PKNOX1: variants seen among roughly 807,000 people sequenced by gnomAD.
PKNOX1 encodes homeobox protein PKNOX1.
Under a neutral mutation model 51.9 loss-of-function variants are expected in PKNOX1, and 15 were observed. The observed-to-expected ratio is 0.29, with a 90% CI of 0.19 to 0.45. The LOEUF is 0.45. PKNOX1 is among the 20% of genes least tolerant of loss of function. The pLI is 1.00. For missense variants in PKNOX1, 462 were observed against 547.5 expected, an observed-to-expected ratio of 0.84 and a Z score of 1.56; for synonymous variants, 219 against 211.1, an observed-to-expected ratio of 1.04 and a Z score of -0.32.
chr21:43,022,144 T>A (rs925141372), intron 8 of PKNOX1, among the ~76,000 whole-genome samples: 1 of 152,214 alleles, frequency 6.6e-6, no homozygotes. Context: ...GGCTTGGCCC[T>A]AAGTTTGCCC....
rs895975358 is a variant in PKNOX1 at position 43,030,796 on chromosome 21, A to G, written c.*695A>G. On this transcript the variant is annotated 3_prime_UTR_variant, in exon 11 of 11. Transcript: ENST00000291547. ...AATACATGCTTGCTATTAATATTTCAATTTGGAATGTTCTGAATTGACCAA... is the reference window on the plus strand; with the variant it reads ...AATACATGCTTGCTATTAATATTTCGATTTGGAATGTTCTGAATTGACCAA... 10 of 152,302 alleles carry G rather than the reference A, an allele frequency of 6.6e-5. No individual in the cohort carries two copies. Among genetic ancestry groups the G allele is most frequent in the African/African-American group, 1.2e-4 (5 of 41,460 alleles). The allele number at this position is 152,302 out of a possible 1,614,324, so 9.4% of individuals were successfully genotyped here.
chr21:43,015,003 G>A (rs905339615), intron 5 of PKNOX1, among the ~76,000 whole-genome samples: 4 of 152,230 alleles, frequency 2.6e-5, no homozygotes, highest in African/African-American at 4.8e-5. Context: ...CACAGGTATG[G>A]CATGTCTCTC....
At chr21:42,975,040 C>T (rs1249974539) in intron 1 of PKNOX1, among the ~76,000 whole-genome samples, 1 of 59,080 alleles carries the variant, frequency 1.7e-5, no homozygotes, top group South Asian at 5.7e-4. Context: ...CGGCGCGCGC[C>T]CCGGCGCGGG....
At chr21:43,012,459 C>A (rs1472443382) in intron 4 of PKNOX1, among the ~76,000 whole-genome samples, 1 of 152,178 alleles carries the variant, frequency 6.6e-6, no homozygotes, top group Non-Finnish European at 1.5e-5. Flanking sequence ...ACTCAGGAGG[C>A]TGAGGCAGGA....
chr21:42,993,208 CAT>C (rs1019583364), intron 1 of PKNOX1, among the ~76,000 whole-genome samples: 1 of 152,196 alleles, frequency 6.6e-6, no homozygotes, highest in African/African-American at 2.4e-5. Context: ...CTGGCCTTGG[CAT>C]GTAGTAGACA....
Position 43,013,157 on chromosome 21 carries a change from T to C in PKNOX1, c.441T>C (p.Ile147=), listed in dbSNP as rs770143485. 6.2e-7 allele frequency: 1 copy of C among 1,613,906 alleles called. No individual in the cohort carries two copies. Among genetic ancestry groups the C allele is most frequent in the African/African-American group, 1.3e-5 (1 of 74,938 alleles). Residue 147 remains isoleucine (I), a synonymous_variant, in exon 5 of 11, where the codon ATT becomes ATC. Coordinates refer to ENST00000291547, the MANE Select transcript of PKNOX1 (RefSeq NM_004571.5). The stretch of plus-strand genomic sequence containing the variant: ...GCAAAGATTTCTGCAGTCGATACAT[T>C]GCTTGTCTGAAAACAAAAATGAACA... ...ELCKDFCSRY[I]ACLKTKMNSE...
intron 1 of PKNOX1, among the ~76,000 whole-genome samples, chr21:42,977,537 CTTTTTTTTTTTT>C (rs3044504): frequency 1.1e-4 from 5 of 47,116 alleles, no homozygotes; most frequent in Non-Finnish European, 1.4e-4. Context: ...CTGCTTCCAA[CTTTTTTTTTTTT>C]TTTTTTTTTT....
intron 1 of PKNOX1, among the ~76,000 whole-genome samples, chr21:42,992,036 G>C (rs2059090565): frequency 6.6e-6 from 1 of 152,196 alleles, no homozygotes; most frequent in African/African-American, 2.4e-5. Context: ...AGACCCTGCA[G>C]AGCATGTTAC....
intron 1 of PKNOX1, among the ~76,000 whole-genome samples, chr21:42,993,299 A>C (rs1337361134): frequency 6.6e-6 from 1 of 152,088 alleles, no homozygotes; most frequent in Non-Finnish European, 1.5e-5. Context: ...ACGCTGACTG[A>C]ACGAATGTCC....
chr21:43,024,470 T>TC (rs1979903719), intron 8 of PKNOX1: 1 of 160,852 alleles, frequency 6.2e-6, no homozygotes, highest in South Asian at 1.9e-4. Flanking sequence ...CCAGAACGCA[T>TC]CCACCCATCC....
Position 43,016,327 on chromosome 21 carries a change from G to T in PKNOX1, c.523-581G>T, listed in dbSNP as rs565691349. ...AACATTTGCATGGGGCTCGCTGTAGGCCGGGCACAGTTCCAAGCACTGTAC... is the reference window on the plus strand; with the variant it reads ...AACATTTGCATGGGGCTCGCTGTAGTCCGGGCACAGTTCCAAGCACTGTAC... On this transcript the variant is annotated intron_variant, in intron 5 of 10. Coordinates refer to ENST00000291547, the MANE Select transcript of PKNOX1 (RefSeq NM_004571.5). Among the ~76,000 whole-genome samples the T allele has an allele frequency of 3.9e-5, 6 of 152,312 alleles. 1 individual carries two copies. The highest frequency in any genetic ancestry group is 1.4e-4 in the African/African-American group (6 of 41,562).
At position 43,016,927 on chromosome 21, in the gene PKNOX1, C is replaced by A; in HGVS notation, c.542C>A (p.Thr181Lys). Residue 181 changes from threonine to lysine, a missense_variant, in exon 6 of 11, where the codon ACA (threonine) becomes AAA (lysine). By Grantham distance (78) the Thr-to-Lys change is moderately conservative. Around this residue, in one of 5 missense-constraint regions of PKNOX1, gnomAD observed 126 missense variants for 128.1 expected, o/e 0.98. Transcript: ENST00000291547. The part of the protein sequence containing the change: ...VQSQQIQSAI[T>K]GTISPQGIVV... ...TTGCAGCAGATTCAAAGTGCCATCACAGGCACCATCAGCCCTCAGGGAATT... is the reference window on the plus strand; with the variant it reads ...TTGCAGCAGATTCAAAGTGCCATCAAAGGCACCATCAGCCCTCAGGGAATT... 6.2e-7 allele frequency: 1 copy of A among 1,608,578 alleles called. No homozygotes were observed. The highest frequency in any genetic ancestry group is 1.1e-5 in the South Asian group (1 of 90,940).
chr21:42,976,146 T>C (rs1045705197), intron 1 of PKNOX1, among the ~76,000 whole-genome samples: 3 of 152,232 alleles, frequency 2.0e-5, no homozygotes, highest in African/African-American at 7.2e-5. Flanking sequence ...AAAATAAGTA[T>C]TGCAGTAAAG....
chr21:42,989,074 C>T (rs1005191698), intron 1 of PKNOX1, among the ~76,000 whole-genome samples: 5 of 152,200 alleles, frequency 3.3e-5, no homozygotes, highest in African/African-American at 7.2e-5. Context: ...GAATCTCCCT[C>T]ATCCCTTCCT....
intron 1 of PKNOX1, among the ~76,000 whole-genome samples, chr21:42,983,815 C>T (rs1391236791): frequency 6.6e-6 from 1 of 152,026 alleles, no homozygotes; most frequent in Non-Finnish European, 1.5e-5. Flanking sequence ...ACATTCCTAC[C>T]AACAGTACAG....
At chr21:43,024,120 G>C (rs1979885438) in intron 8 of PKNOX1, among the ~76,000 whole-genome samples, 1 of 152,150 alleles carries the variant, frequency 6.6e-6, no homozygotes, top group South Asian at 2.1e-4. Flanking sequence ...CCAGCCCTGG[G>C]TTCAGTTCCT....
chr21:43,029,031 A>C, intron 10 of PKNOX1, 157 bp downstream of exon 10: 1 of 712,484 alleles, frequency 1.4e-6, no homozygotes, highest in Non-Finnish European at 2.5e-6. Flanking sequence ...AGGAAGCTGC[A>C]TTCTGCGTGC....
intron 7 of PKNOX1, among the ~76,000 whole-genome samples, chr21:43,020,917 G>A (rs1979722798): frequency 6.6e-6 from 1 of 152,184 alleles, no homozygotes; most frequent in Admixed American, 6.5e-5. Context: ...GTGCCAGCCT[G>A]GGCAACAGGG....
chr21:42,981,712 A>G (rs1412560549), intron 1 of PKNOX1, among the ~76,000 whole-genome samples: 1 of 152,186 alleles, frequency 6.6e-6, no homozygotes, highest in Non-Finnish European at 1.5e-5. Context: ...GGCACGTGTC[A>G]TCACACCCAG....
Sources: gnomAD v4.1 joint callset for allele counts (sites outside exome capture counted in the v4.1 genomes callset) on GRCh38, gnomAD v4.1.1 for gene constraint, gnomAD v4.1.1 regional missense constraint, MANE v1.5 for transcripts, NCBI Gene and HGNC (gene_info 2026-07-23, HGNC 2026-07-21) for gene names.